The following ATG5 variants were observed in gnomAD, a reference collection of about 807,000 sequenced individuals.
ATG5 encodes the protein autophagy protein 5.
A neutral mutation model predicts 36.5 loss-of-function variants in ATG5; 14 were observed. The ratio of observed to expected loss-of-function variants is 0.38; its 90% confidence interval spans 0.25 to 0.60. ATG5 has a LOEUF of 0.60. ATG5 is among the 20% of genes least tolerant of loss of function. The pLI, the probability that ATG5 is intolerant of heterozygous loss-of-function variation, is 0.60. For synonymous variants in ATG5, 95 were observed against 101.5 expected (o/e 0.94, Z 0.38); for missense variants, 195 against 326.7 (o/e 0.60, Z 3.11).
chr6:106,283,602 A>G (rs1359596209), intron 4 of ATG5: 1 of 152,074 alleles, frequency 6.6e-6, no homozygotes, highest in Non-Finnish European at 1.5e-5. Flanking sequence ...CTTAGTGTGG[A>G]AATTCAATCG....
intron 3 of ATG5, among the ~76,000 whole-genome samples, chr6:106,295,999 T>C (rs1257041818): frequency 3.3e-5 from 5 of 152,090 alleles, no homozygotes; most frequent in Non-Finnish European, 7.4e-5. Flanking sequence ...AAATTATAAA[T>C]ACACAGAAGC....
chr6:106,228,989 A>T (rs1338701115), intron 6 of ATG5, among the ~76,000 whole-genome samples: 1 of 152,266 alleles, frequency 6.6e-6, no homozygotes, highest in Non-Finnish European at 1.5e-5. Flanking sequence ...ATCATGTCGC[A>T]GCCAGAAGTC....
rs189168984 is a variant in ATG5, at chr6:106,269,482, C to T, written c.478+10179G>A. On this transcript the variant is annotated intron_variant, in intron 5 of 7. Coordinates refer to ENST00000369076, the MANE Select transcript of ATG5 (RefSeq NM_004849.4). ...GCGGCACTCGTCAGGGAGGCTTGGC[C>T]GCACAGGAGCCCATGGAAGGGGTGG... Among the ~76,000 whole-genome samples the T allele has an allele frequency of 2.9e-3, 445 of 152,332 alleles. 2 individuals are homozygous for T. Among genetic ancestry groups the T allele is most frequent in the African/African-American group, 1.0e-2 (415 of 41,568 alleles).
chr6:106,187,191 T>C (rs1775810392), intron 7 of ATG5, among the ~76,000 whole-genome samples: 1 of 152,186 alleles, frequency 6.6e-6, no homozygotes, highest in African/African-American at 2.4e-5. Context: ...TTCAAGTATG[T>C]ATCAAAATGT....
At chr6:106,208,048 C>T (rs984639245) in intron 6 of ATG5, among the ~76,000 whole-genome samples, 5 of 152,096 alleles carry the variant, frequency 3.3e-5, no homozygotes, top group Non-Finnish European at 7.4e-5. Context: ...GCCGAAATCG[C>T]GCCACTGCAC....
chr6:106,295,696 T>C (rs1370254268), intron 3 of ATG5, among the ~76,000 whole-genome samples: 1 of 152,098 alleles, frequency 6.6e-6, no homozygotes, highest in Non-Finnish European at 1.5e-5. Flanking sequence ...CCTGAGTGGC[T>C]GGGACTACAG....
chr6:106,245,286 C>CTTG (rs1447042375), intron 6 of ATG5, among the ~76,000 whole-genome samples: 3 of 152,142 alleles, frequency 2.0e-5, no homozygotes, highest in Non-Finnish European at 4.4e-5. Context: ...TGATGACAAT[C>CTTG]TTTACAAAAG....
At chr6:106,323,720 T>C (rs1305554873) in intron 1 of ATG5, among the ~76,000 whole-genome samples, 1 of 152,104 alleles carries the variant, frequency 6.6e-6, no homozygotes, top group African/African-American at 2.4e-5. Flanking sequence ...TACTAACAAC[T>C]CTTATTTCTG....
In ATG5 at chr6:106,277,458, G is replaced by C. The variant is rs117053399; in HGVS notation, c.478+2203C>G. On this transcript the variant is annotated intron_variant, in intron 5 of 7. Transcript: ENST00000369076. ...CTTAATAACTAATGGGGACAATTAC[G>C]ATTGTTCCACAATCTTTAAAAAATT... is the stretch of plus-strand genomic sequence containing the variant. Among the ~76,000 whole-genome samples, 49 of 152,312 alleles carry C rather than the reference G, an allele frequency of 3.2e-4. No individual in the cohort carries two copies. In the East Asian group the frequency reaches 9.1e-3, roughly 28 times the overall value.
intron 1 of ATG5, among the ~76,000 whole-genome samples, chr6:106,321,179 T>C (rs1281267415): frequency 6.6e-6 from 1 of 152,252 alleles, no homozygotes; most frequent in Non-Finnish European, 1.5e-5. Flanking sequence ...TTGACTCTCA[T>C]ATTTGTAAAA....
chr6:106,260,121 G>A (rs1778956268), intron 5 of ATG5, among the ~76,000 whole-genome samples: 2 of 152,088 alleles, frequency 1.3e-5, no homozygotes, highest in Admixed American at 6.5e-5. Context: ...GTGGGGGCCT[G>A]GGGGAAGGGA....
rs150729039 is a variant in ATG5 at position 106,304,759 on chromosome 6, G to A, written c.236+3605C>T. ...TGATTTTGTAAGTAGCTACACAACT[G>A]TACACAATTGTTTGAAAACTCTTCA... is the stretch of plus-strand genomic sequence containing the variant. On this transcript the variant is annotated intron_variant, in intron 3 of 7. Coordinates refer to ENST00000369076, the MANE Select transcript of ATG5 (RefSeq NM_004849.4). Among the ~76,000 whole-genome samples, 356 of 152,244 alleles carry A rather than the reference G, an allele frequency of 2.3e-3. 1 individual carries two copies. The highest frequency in any genetic ancestry group is 8.1e-3 in the African/African-American group (337 of 41,540).
intron 6 of ATG5, among the ~76,000 whole-genome samples, chr6:106,241,121 C>G (rs1369793975): frequency 2.0e-5 from 3 of 152,212 alleles, no homozygotes; most frequent in Non-Finnish European, 4.4e-5. Context: ...CCACAGCATT[C>G]CAGTCCAGGT....
intron 7 of ATG5, among the ~76,000 whole-genome samples, chr6:106,195,431 C>G (rs528991665): frequency 6.6e-6 from 1 of 152,204 alleles, no homozygotes; most frequent in South Asian, 2.1e-4. Context: ...CTGAACCAGG[C>G]AGTAAACAGT....
intron 5 of ATG5, among the ~76,000 whole-genome samples, chr6:106,278,438 T>C (rs919888886): frequency 6.6e-6 from 1 of 152,224 alleles, no homozygotes; most frequent in African/African-American, 2.4e-5. Context: ...TCCTTTAATA[T>C]GAAATTTTTT....
At chr6:106,283,403 T>A (rs1020946636) in intron 4 of ATG5, 1 of 151,994 alleles carries the variant, frequency 6.6e-6, no homozygotes, top group Non-Finnish European at 1.5e-5. Context: ...TTTATTTTAT[T>A]TTTATTTTTA....
chr6:106,247,916 A>G (rs1319048648), intron 6 of ATG5, among the ~76,000 whole-genome samples: 1 of 152,236 alleles, frequency 6.6e-6, no homozygotes, highest in Non-Finnish European at 1.5e-5. Flanking sequence ...CATAAATTTT[A>G]GTAAGCATGT....
intron 6 of ATG5, among the ~76,000 whole-genome samples, chr6:106,205,693 T>C (rs193102840): frequency 3.2e-4 from 48 of 152,302 alleles, no homozygotes; most frequent in African/African-American, 1.1e-3. Flanking sequence ...TATCTTTTTT[T>C]TCACCCTTTC....
At chr6:106,190,648 T>C (rs1469627990) in intron 7 of ATG5, among the ~76,000 whole-genome samples, 1 of 151,954 alleles carries the variant, frequency 6.6e-6, no homozygotes, top group Non-Finnish European at 1.5e-5. Flanking sequence ...CAGCATCTAC[T>C]TAAAAGTGAA....
Sources: allele counts gnomAD v4.1 joint callset (sites outside exome capture counted in the v4.1 genomes callset), GRCh38; gene constraint gnomAD v4.1.1; transcripts MANE v1.5; gene names NCBI Gene and HGNC (gene_info 2026-07-23, HGNC 2026-07-21).